PAPOLA: variants seen among roughly 807,000 people sequenced by gnomAD.
PAPOLA encodes the protein poly(A) polymerase alpha.
In PAPOLA, 15 loss-of-function variants were observed where a neutral mutation model predicts 100.6. The ratio of observed to expected loss-of-function variants is 0.15; its 90% confidence interval spans 0.10 to 0.23. PAPOLA has a LOEUF of 0.23. PAPOLA is among the 10% of genes least tolerant of loss of function. The probability of loss-of-function intolerance (pLI) is 1.00; values close to 1 mark genes in which losing one functional copy is unlikely to be tolerated. For synonymous variants in PAPOLA, 293 were observed against 300.0 expected (o/e 0.98, Z 0.24); for missense variants, 533 against 884.2 (o/e 0.60, Z 5.04).
At chr14:96,524,170 A>C (rs1231482647) in intron 3 of PAPOLA, among the ~76,000 whole-genome samples, 1 of 151,836 alleles carries the variant, frequency 6.6e-6, no homozygotes, top group Non-Finnish European at 1.5e-5. Flanking sequence ...TATTATACTG[A>C]GGAGTTAGGT....
At chr14:96,524,270 C>T (rs142394639) in intron 3 of PAPOLA, among the ~76,000 whole-genome samples, 2 of 152,228 alleles carry the variant, frequency 1.3e-5, no homozygotes, top group African/African-American at 4.8e-5. Flanking sequence ...GAATACTAAA[C>T]CGTAAAGCTT....
At chr14:96,502,377 G>A (rs1394778466), upstream of PAPOLA, 4 of 698,102 alleles carry the variant, frequency 5.7e-6, no homozygotes, top group East Asian at 1.1e-4. Context: ...GGCGTCAGCA[G>A]TTCTAGAACG....
intron 11 of PAPOLA, 85 bp downstream of exon 11, chr14:96,536,084 T>C: frequency 2.0e-6 from 2 of 1,009,658 alleles, no homozygotes; most frequent in Non-Finnish European, 2.7e-6. Context: ...GCAACTTAAA[T>C]TGAAGAAGGA....
chr14:96,551,195 G>C (rs975816376), intron 16 of PAPOLA, among the ~76,000 whole-genome samples: 1 of 152,204 alleles, frequency 6.6e-6, no homozygotes, highest in Non-Finnish European at 1.5e-5. Flanking sequence ...AGACCAACCA[G>C]ATAAACTTTC....
At chr14:96,541,581 A>G (rs753128196) in intron 12 of PAPOLA, among the ~76,000 whole-genome samples, 19 of 152,202 alleles carry the variant, frequency 1.2e-4, no homozygotes, top group Non-Finnish European at 2.1e-4. Flanking sequence ...TCATGATGCT[A>G]TTTTCTGAAG....
chr14:96,541,703 G>C (rs1237052721), intron 12 of PAPOLA, among the ~76,000 whole-genome samples: 2 of 151,592 alleles, frequency 1.3e-5, no homozygotes, highest in Non-Finnish European at 2.9e-5. Flanking sequence ...TTATAGAAAT[G>C]TATACTCTTA....
chr14:96,503,760 G>A (rs986604752), intron 1 of PAPOLA, among the ~76,000 whole-genome samples: 2 of 151,682 alleles, frequency 1.3e-5, no homozygotes, highest in African/African-American at 4.8e-5. Flanking sequence ...TTTTTTGTAA[G>A]TAAGGATAAT....
intron 21 of PAPOLA, 39 bp from the exon 22 acceptor site, chr14:96,564,916 T>C: frequency 2.0e-6 from 2 of 1,001,628 alleles, no homozygotes; most frequent in Non-Finnish European, 3.2e-6. Flanking sequence ...TAAATTATGG[T>C]GCTTTGAACA....
intron 17 of PAPOLA, among the ~76,000 whole-genome samples, chr14:96,553,820 C>T (rs1265275810): frequency 1.3e-5 from 2 of 152,134 alleles, no homozygotes. Flanking sequence ...GCCTGTATTA[C>T]AATTTAACCA....
intron 12 of PAPOLA, among the ~76,000 whole-genome samples, chr14:96,538,133 C>T (rs1009832027): frequency 7.4e-4 from 112 of 151,896 alleles, no homozygotes; most frequent in African/African-American, 2.5e-3. Context: ...AACATTTAAA[C>T]TAATAAACAT....
intron 9 of PAPOLA, 66 bp downstream of exon 9, chr14:96,532,715 G>A (rs764448875): frequency 1.4e-6 from 2 of 1,470,462 alleles, no homozygotes; most frequent in African/African-American, 2.9e-5. Context: ...TTATTTCTAT[G>A]ACATTTCTCA....
intron 3 of PAPOLA, among the ~76,000 whole-genome samples, chr14:96,524,923 A>T (rs1267718255): frequency 1.3e-5 from 2 of 152,190 alleles, no homozygotes; most frequent in Non-Finnish European, 2.9e-5. Context: ...CTTTAAAGCA[A>T]TCAGAATATG....
At chr14:96,562,549 G>A in intron 20 of PAPOLA, 2 of 233,782 alleles carry the variant, frequency 8.6e-6, no homozygotes, top group Non-Finnish European at 1.7e-5. Flanking sequence ...TGCTTAAAAT[G>A]TCCCAAGTTG....
At chr14:96,552,753 G>A (rs1451259089) in intron 17 of PAPOLA, 131 bp downstream of exon 17, 4 of 799,464 alleles carry the variant, frequency 5.0e-6, no homozygotes, top group African/African-American at 3.6e-5. Context: ...TTTTTAAATA[G>A]CAATTTAATT....
intron 4 of PAPOLA, chr14:96,526,917 A>G (rs1259936222): frequency 2.6e-5 from 4 of 152,420 alleles, no homozygotes; most frequent in Admixed American, 1.3e-4. Context: ...AATTCTGCCT[A>G]TGTACTTAGT....
At chr14:96,522,416 C>A (rs903005204) in intron 3 of PAPOLA, among the ~76,000 whole-genome samples, 5 of 151,378 alleles carry the variant, frequency 3.3e-5, no homozygotes, top group African/African-American at 7.3e-5. Flanking sequence ...ACTGTTCTGT[C>A]CTCTTTTTTT....
intron 16 of PAPOLA, among the ~76,000 whole-genome samples, chr14:96,550,101 A>T (rs1429304725): frequency 1.3e-5 from 2 of 151,000 alleles, no homozygotes; most frequent in African/African-American, 5.0e-5. Context: ...TGAACTTATG[A>T]TTATGCCATT....
At chr14:96,533,445 A>T (rs1207693614) in intron 9 of PAPOLA, 10 of 983,836 alleles carry the variant, frequency 1.0e-5, no homozygotes, top group Non-Finnish European at 1.2e-5. Context: ...AAATAAAAAA[A>T]ATTTAGAACC....
rs185207845 is a variant in PAPOLA, at chr14:96,542,488, G to C, written c.1169+192G>C. The C allele has an allele frequency of 1.9e-3, 1,077 of 557,488 alleles. 5 individuals carry two copies. Among genetic ancestry groups the C allele is most frequent in the Non-Finnish European group, 2.7e-3 (850 of 315,980 alleles). 34.5% of individuals were successfully genotyped at this position (557,488 alleles called of 1,614,324 possible). On this transcript the variant is annotated intron_variant, in intron 13 of 21. Transcript: ENST00000216277. Reference sequence around the variant, plus strand: ...CCATATGCAACTTATTTTTTTGTTTGCTTTATGGAGATCCGTGCATAATTT... The same window carrying C: ...CCATATGCAACTTATTTTTTTGTTTCCTTTATGGAGATCCGTGCATAATTT...
Sources: gnomAD v4.1 joint callset for allele counts (sites outside exome capture counted in the v4.1 genomes callset) on GRCh38, gnomAD v4.1.1 for gene constraint, MANE v1.5 for transcripts, NCBI Gene and HGNC (gene_info 2026-07-23, HGNC 2026-07-21) for gene names.